Variants in SRL observed in about 807,000 individuals in gnomAD.
SRL encodes the protein sarcalumenin.
Under a neutral mutation model 39.5 loss-of-function variants are expected in SRL, and 23 were observed. The observed-to-expected ratio is 0.58, with a 90% CI of 0.42 to 0.82. SRL has a LOEUF of 0.82. SRL is among the 40% of genes least tolerant of loss of function. The probability of loss-of-function intolerance (pLI) is 0.00; values close to 1 mark genes in which losing one functional copy is unlikely to be tolerated. For synonymous variants in SRL, 272 were observed against 237.4 expected, an observed-to-expected ratio of 1.15 and a Z score of -1.34; for missense variants, 592 against 607.8, an observed-to-expected ratio of 0.97 and a Z score of 0.27.
rs201448100 is a variant in SRL at position 4,192,192 on chromosome 16, C to G, written c.1383G>C (p.Gly461=). ...AGCGATTTTTTGGTGTTTCGCTACA[C>G]CCTGTTTTGTCACAGTTGAGAGCAC... The part of the protein sequence containing the change: ...NPGALNCDKT[G]CSETPKNRYR... Residue 461 remains glycine (G), a synonymous_variant, in exon 6 of 6, where the codon GGG becomes GGC. Coordinates refer to ENST00000399609, the MANE Select transcript of SRL (RefSeq NM_001098814.2). This position sits in a 1 kb window ranked among gnomAD's most constrained non-coding sequence, Gnocchi z 4.0. The G allele has an allele frequency of 6.3e-7, 1 of 1,578,790 alleles. No homozygotes were observed. The highest frequency in any genetic ancestry group is 8.6e-7 in the Non-Finnish European group (1 of 1,165,504).
intron 1 of SRL, chr16:4,208,043 G>C (rs146498204): frequency 4.4e-6 from 2 of 456,090 alleles, no homozygotes; most frequent in Middle Eastern, 3.3e-4. Flanking sequence ...CTCCAGCAGA[G>C]AAATGATTCT....
chr16:4,204,479 G>A (rs1034873513), intron 2 of SRL, 54 bp downstream of exon 2: 3 of 1,537,038 alleles, frequency 2.0e-6, no homozygotes, highest in Non-Finnish European at 9.0e-7. Flanking sequence ...AGTCTGCCCG[G>A]GCCCTGGTGG....
In SRL at chr16:4,217,583, C is replaced by T. The variant is rs566125720; in HGVS notation, c.62-12949G>A. Among the ~76,000 whole-genome samples the T allele has an allele frequency of 3.9e-3, 594 of 152,284 alleles. 3 individuals carry two copies. Among genetic ancestry groups the T allele is most frequent in the African/African-American group, 0.014 (562 of 41,552 alleles). On this transcript the variant is annotated intron_variant, in intron 1 of 5. Transcript: ENST00000399609. Reference sequence around the variant, plus strand: ...TCTTACCACTGGCGCCCCCACCCCCCGCTGTCTTACTACCCAGCGAAGTAA... The same window carrying T: ...TCTTACCACTGGCGCCCCCACCCCCTGCTGTCTTACTACCCAGCGAAGTAA...
At chr16:4,233,538 C>T (rs2141069295) in intron 1 of SRL, among the ~76,000 whole-genome samples, 1 of 152,220 alleles carries the variant, frequency 6.6e-6, no homozygotes, top group South Asian at 2.1e-4. Context: ...GAACTTCAAC[C>T]AGAGTGAGCA....
At chr16:4,211,086 T>G (rs1029378206) in intron 1 of SRL, among the ~76,000 whole-genome samples, 1 of 152,140 alleles carries the variant, frequency 6.6e-6, no homozygotes, top group African/African-American at 2.4e-5. Flanking sequence ...TGAAATCACC[T>G]GCTTCTTGGT....
chr16:4,229,235 A>C (rs563540243), intron 1 of SRL, among the ~76,000 whole-genome samples: 71 of 152,226 alleles, frequency 4.7e-4, no homozygotes, highest in African/African-American at 1.6e-3. Flanking sequence ...CAAGGACAGG[A>C]GATCGAGACC....
intron 5 of SRL, among the ~76,000 whole-genome samples, chr16:4,194,739 G>A (rs1208234726): frequency 6.6e-6 from 1 of 152,114 alleles, no homozygotes; most frequent in African/African-American, 2.4e-5. Flanking sequence ...CAGTCCTTGG[G>A]GAGGTAGGAG....
At chr16:4,218,826 T>C (rs1431609936) in intron 1 of SRL, among the ~76,000 whole-genome samples, 1 of 152,242 alleles carries the variant, frequency 6.6e-6, no homozygotes, top group African/African-American at 2.4e-5. Context: ...CAGAGTTAGT[T>C]AAGGAGGAAG....
At chr16:4,240,976 A>C (rs2141076166) in intron 1 of SRL, among the ~76,000 whole-genome samples, 1 of 152,078 alleles carries the variant, frequency 6.6e-6, no homozygotes, top group South Asian at 2.1e-4. Context: ...GTCCCCGAGA[A>C]ATAGCTTTTG....
At chr16:4,228,572 A>G (rs891842265) in intron 1 of SRL, among the ~76,000 whole-genome samples, 19 of 151,522 alleles carry the variant, frequency 1.3e-4, no homozygotes, top group East Asian at 5.9e-4. Flanking sequence ...CGTCTCTACT[A>G]AAAATACAAA....
At chr16:4,203,298 A>G in intron 2 of SRL, 37 bp from the exon 3 acceptor site, 1 of 1,578,646 alleles carries the variant, frequency 6.3e-7, no homozygotes, top group Non-Finnish European at 8.7e-7. Context: ...AGCATCACGC[A>G]GGTGCGATCC....
chr16:4,223,086 G>C (rs564324452), intron 1 of SRL, among the ~76,000 whole-genome samples: 1 of 151,922 alleles, frequency 6.6e-6, no homozygotes, highest in Non-Finnish European at 1.5e-5. Flanking sequence ...AAAAAAATTA[G>C]CCGGGCATGG....
chr16:4,219,213 G>A (rs928081473), intron 1 of SRL, among the ~76,000 whole-genome samples: 1 of 152,236 alleles, frequency 6.6e-6, no homozygotes, highest in Non-Finnish European at 1.5e-5. Flanking sequence ...GACAAAGCTA[G>A]AACTAGAGAC....
intron 1 of SRL, among the ~76,000 whole-genome samples, chr16:4,205,300 C>A (rs939159868): frequency 1.3e-5 from 2 of 152,146 alleles, no homozygotes; most frequent in Admixed American, 6.5e-5. Flanking sequence ...GGTCACACAG[C>A]AAGACCCTAT....
At chr16:4,216,064 CA>C in intron 1 of SRL, among the ~76,000 whole-genome samples, 2 of 151,808 alleles carry the variant, frequency 1.3e-5, no homozygotes, top group South Asian at 4.2e-4. Context: ...GACTTCAGCA[CA>C]ATTGTTTTTA....
At chr16:4,216,880 T>G (rs1597284500) in intron 1 of SRL, among the ~76,000 whole-genome samples, 1 of 152,152 alleles carries the variant, frequency 6.6e-6, no homozygotes, top group South Asian at 2.1e-4. Context: ...CTCCCTGGGA[T>G]CTGTGGGGAT....
intron 1 of SRL, among the ~76,000 whole-genome samples, chr16:4,212,226 G>C (rs750189918): frequency 4.6e-5 from 7 of 152,184 alleles, no homozygotes; most frequent in Non-Finnish European, 7.4e-5. Flanking sequence ...GAGTAAAAAG[G>C]ACTGAGGATA....
intron 1 of SRL, among the ~76,000 whole-genome samples, chr16:4,206,467 C>T (rs995410805): frequency 6.6e-6 from 1 of 152,164 alleles, no homozygotes; most frequent in East Asian, 1.9e-4. Flanking sequence ...TGGGCTACGG[C>T]GCATCAGGGA....
chr16:4,199,916 C>T (rs1314278591), intron 3 of SRL, among the ~76,000 whole-genome samples: 2 of 152,074 alleles, frequency 1.3e-5, no homozygotes, highest in South Asian at 2.1e-4. Context: ...AGGCTGGTCT[C>T]GAACTCTTGA....
Sources: allele counts gnomAD v4.1 joint callset (sites outside exome capture counted in the v4.1 genomes callset), GRCh38; gene constraint gnomAD v4.1.1; non-coding constraint Gnocchi (gnomAD v3.1); transcripts MANE v1.5; gene names NCBI Gene and HGNC (gene_info 2026-07-23, HGNC 2026-07-21).